Variants in AGMO observed in about 807,000 individuals in gnomAD.
AGMO encodes glyceryl-ether monooxygenase.
A neutral mutation model predicts 60.2 loss-of-function variants in AGMO; 75 were observed. The ratio of observed to expected loss-of-function variants is 1.25; its 90% CI spans 1.03 to 1.51. AGMO has a LOEUF of 1.51. Ranked by LOEUF, AGMO falls within the 40% of genes most tolerant of loss-of-function variation. The pLI, the probability that AGMO is intolerant of heterozygous loss-of-function variation, is 0.00. For missense variants in AGMO, 763 were observed against 525.5 expected (o/e 1.45, Z -4.42); for synonymous variants, 261 against 177.1 (o/e 1.47, Z -3.76).
intron 12 of AGMO, among the ~76,000 whole-genome samples, chr7:15,202,458 C>CAAAAAAAAAAAAAGAAA (rs1781317591): frequency 2.2e-5 from 1 of 45,358 alleles, no homozygotes; most frequent in Non-Finnish European, 4.5e-5. Context: ...TACAAATGAG[C>CAAAAAAAAAAAAAGAAA]AAAAAAAAAA....
chr7:15,132,634 G>A, the AGMO span, among the ~76,000 whole-genome samples: 1 of 152,138 alleles, frequency 6.6e-6, no homozygotes, highest in Non-Finnish European at 1.5e-5. Context: ...ACAACATGGA[G>A]GCAACTTGTG....
chr7:15,316,094 C>A (rs764624870), intron 12 of AGMO, among the ~76,000 whole-genome samples: 8 of 152,142 alleles, frequency 5.3e-5, no homozygotes, highest in Non-Finnish European at 7.4e-5. Context: ...TAGCAAAGAT[C>A]ATCAAAATGG....
the AGMO span, among the ~76,000 whole-genome samples, chr7:15,166,193 C>T: frequency 2.6e-5 from 4 of 152,150 alleles, no homozygotes; most frequent in Non-Finnish European, 4.4e-5. Context: ...TAAGAAGGAT[C>T]GGTGGTGCTG....
intron 12 of AGMO, among the ~76,000 whole-genome samples, chr7:15,261,974 C>T (rs1783285924): frequency 1.3e-5 from 2 of 151,836 alleles, no homozygotes; most frequent in South Asian, 4.1e-4. Context: ...TCAGAAAAAC[C>T]AGCATAGAAG....
intron 10 of AGMO, among the ~76,000 whole-genome samples, chr7:15,369,268 A>G (rs192051604): frequency 6.6e-6 from 1 of 151,906 alleles, no homozygotes; most frequent in African/African-American, 2.4e-5. Flanking sequence ...ACAGCCCCCA[A>G]CCCACAGCAT....
chr7:15,467,715 T>C (rs1405291947), intron 3 of AGMO, among the ~76,000 whole-genome samples: 3 of 152,200 alleles, frequency 2.0e-5, no homozygotes, highest in Admixed American at 1.3e-4. Context: ...TTTGGAATAT[T>C]ATTTCTCAGG....
At chr7:15,174,263 T>G in the AGMO span, among the ~76,000 whole-genome samples, 2 of 152,086 alleles carry the variant, frequency 1.3e-5, no homozygotes, top group South Asian at 2.1e-4. Context: ...TCCACAGATA[T>G]GTAAATACAT....
chr7:15,424,023 T>C (rs960574295), intron 4 of AGMO, among the ~76,000 whole-genome samples: 2 of 152,202 alleles, frequency 1.3e-5, no homozygotes, highest in African/African-American at 4.8e-5. Flanking sequence ...TATAATTTTG[T>C]GTTTTTACAG....
chr7:15,388,536 A>G (rs1432165391), intron 8 of AGMO, among the ~76,000 whole-genome samples: 1 of 152,186 alleles, frequency 6.6e-6, no homozygotes, highest in East Asian at 1.9e-4. Context: ...ATCATTCTGG[A>G]CACAAGCCAT....
the AGMO span, among the ~76,000 whole-genome samples, chr7:15,118,169 G>C: frequency 0.48 from 57,818 of 120,992 alleles, 11,784 homozygotes; most frequent in South Asian, 0.61. Flanking sequence ...AACCACTAAA[G>C]AGAAACACAC....
chr7:15,558,233 G>GT (rs1785203499), intron 2 of AGMO, among the ~76,000 whole-genome samples: 1 of 151,148 alleles, frequency 6.6e-6, no homozygotes, highest in Non-Finnish European at 1.5e-5. Context: ...ACTTTAAAAG[G>GT]TAAAAAAAAA....
chr7:15,415,363 T>C (rs961595110), intron 5 of AGMO, among the ~76,000 whole-genome samples: 2 of 151,860 alleles, frequency 1.3e-5, no homozygotes, highest in Non-Finnish European at 2.9e-5. Flanking sequence ...GCCAACATGG[T>C]GAAACCCCAT....
intron 12 of AGMO, among the ~76,000 whole-genome samples, chr7:15,255,457 A>C (rs1406880124): frequency 2.0e-5 from 3 of 151,976 alleles, no homozygotes; most frequent in Non-Finnish European, 2.9e-5. Flanking sequence ...TATTTCAAAA[A>C]AACTGAAAAG....
chr7:15,346,343 C>T (rs558804991), intron 12 of AGMO, among the ~76,000 whole-genome samples: 9 of 152,076 alleles, frequency 5.9e-5, no homozygotes, highest in South Asian at 2.1e-4. Context: ...GGTCTAGTCC[C>T]GAGTACTTTA....
At chr7:15,130,375 G>A in the AGMO span, among the ~76,000 whole-genome samples, 1 of 149,814 alleles carries the variant, frequency 6.7e-6, no homozygotes, top group Non-Finnish European at 1.5e-5. Flanking sequence ...TTCTCTCCTA[G>A]AACTAAAAAT....
chr7:15,136,268 C>T, the AGMO span, among the ~76,000 whole-genome samples: 1 of 152,132 alleles, frequency 6.6e-6, no homozygotes, highest in African/African-American at 2.4e-5. Context: ...GCTGGGATTA[C>T]AGGCATGAGC....
At chr7:15,251,212 T>C (rs1220155529) in intron 12 of AGMO, among the ~76,000 whole-genome samples, 1 of 152,032 alleles carries the variant, frequency 6.6e-6, no homozygotes. Flanking sequence ...TCTTTGTCCA[T>C]AGCTCACAAA....
intron 3 of AGMO, among the ~76,000 whole-genome samples, chr7:15,440,918 A>T (rs555767158): frequency 5.4e-4 from 82 of 152,312 alleles, no homozygotes; most frequent in Admixed American, 4.2e-3. Flanking sequence ...TCCCATTTGT[A>T]TCCATCACCA....
chr7:15,494,019 A>C, intron 3 of AGMO, among the ~76,000 whole-genome samples: 1 of 152,264 alleles, frequency 6.6e-6, no homozygotes, highest in South Asian at 2.1e-4. Flanking sequence ...ATACTCTATT[A>C]GTTCTTTTTA....
Sources: gnomAD v4.1 joint callset for allele counts (sites outside exome capture counted in the v4.1 genomes callset) on GRCh38, gnomAD v4.1.1 for gene constraint, MANE v1.5 for transcripts, NCBI Gene and HGNC (gene_info 2026-07-23, HGNC 2026-07-21) for gene names.